USP20: variants seen among roughly 807,000 people sequenced by gnomAD.
USP20 encodes ubiquitin carboxyl-terminal hydrolase 20.
A neutral mutation model predicts 124.2 loss-of-function variants in USP20; 80 were observed. The ratio of observed to expected loss-of-function variants is 0.64; its 90% confidence interval spans 0.54 to 0.78. USP20 has a LOEUF of 0.78. Among genes scored for constraint, USP20 ranks in the 30% least tolerant of loss-of-function variants. The pLI is 0.00. For synonymous variants in USP20, 481 were observed against 512.3 expected (o/e 0.94, Z 0.83); for missense variants, 1,043 against 1,244.4 (o/e 0.84, Z 2.44).
chr9:129,844,286 A>C (rs2032405626), intron 1 of USP20, among the ~76,000 whole-genome samples: 1 of 152,150 alleles, frequency 6.6e-6, no homozygotes, highest in South Asian at 2.1e-4. Flanking sequence ...TAAACCAAAA[A>C]AAGCTGTATA....
chr9:129,840,898 G>A (rs143548912), intron 1 of USP20, among the ~76,000 whole-genome samples: 3 of 151,664 alleles, frequency 2.0e-5, no homozygotes, highest in African/African-American at 4.8e-5. Context: ...AGCCTCCCGA[G>A]TAGCTGGGAC....
chr9:129,869,267 CCAGG>C (rs781189833), intron 12 of USP20, 39 bp from the exon 13 acceptor site: 1 of 1,575,496 alleles, frequency 6.3e-7, no homozygotes, highest in East Asian at 2.3e-5. Context: ...CTCGCCCCGG[CCAGG>C]CAGGTGGAGG....
At position 129,860,954 on chromosome 9, in the gene USP20, C is replaced by A. The variant is rs1369691596; in HGVS notation, c.348C>A (p.Ser116=). 7 of 1,613,106 alleles carry A rather than the reference C, an allele frequency of 4.3e-6. No homozygotes were observed. The Admixed American group carries it at 1.2e-4, about 27-fold the overall frequency. ...TAACACAGGACTCCCCGCCACCCTC[C>A]CACCCTCTGAAAGCTGTTCCTATTG... ...KFSEQDSPPP[S]HPLKAVPIAV... The change falls in exon 7 of 26, where the codon TCC becomes TCA. Residue 116 remains serine, a synonymous_variant. Transcript: ENST00000372429.
intron 11 of USP20, 64 bp from the exon 12 acceptor site, chr9:129,868,798 T>C: frequency 6.7e-7 from 1 of 1,502,726 alleles, no homozygotes; most frequent in Non-Finnish European, 8.9e-7. Flanking sequence ...CAGGTCATCT[T>C]CCTGCCCACT....
chr9:129,841,840 G>T (rs72755261), intron 1 of USP20, among the ~76,000 whole-genome samples: 15,307 of 152,104 alleles, frequency 0.1, 834 homozygotes, highest in Middle Eastern at 0.16. Flanking sequence ...AGTCCCCTGC[G>T]GTGTGTCTGA....
At position 129,881,716 on chromosome 9, in the gene USP20, G is replaced by A. The variant is rs116217350; in HGVS notation, c.*1266G>A. 0.021 allele frequency: 3,246 copies of A among 152,432 alleles called. 123 individuals are homozygous for A. The highest frequency in any genetic ancestry group is 0.075 in the African/African-American group (3,100 of 41,592). 9.4% of individuals were successfully genotyped at this position (152,432 alleles called of 1,614,324 possible). On this transcript the variant is annotated 3_prime_UTR_variant, in exon 26 of 26. Coordinates refer to ENST00000372429, the MANE Select transcript of USP20 (RefSeq NM_001110303.4). ...AAAGCCGGCGCTGCAGCCAGAGGCC[G>A]CACGCTGCACTGTCGCGACGCAGAG...
chr9:129,860,378 AGCAG>A (rs2033478662), intron 6 of USP20, among the ~76,000 whole-genome samples: 1 of 151,932 alleles, frequency 6.6e-6, no homozygotes. Flanking sequence ...GACTATTAAC[AGCAG>A]TTCTCTCAGG....
In USP20 at chr9:129,858,507, G is replaced by A. The variant is rs1185328805; in HGVS notation, c.239G>A (p.Arg80Gln). 7 of 1,614,018 alleles carry A rather than the reference G, an allele frequency of 4.3e-6. No homozygotes were observed. Among genetic ancestry groups the A allele is most frequent in the Admixed American group, 1.7e-5 (1 of 60,002 alleles). ...HNLTVNLTTF[R>Q]LWCYACEKEV... is the part of the protein sequence containing the mutation. ...TTGACCGTGAACCTGACCACGTTCC[G>A]ACTGTGGTGTTACGCCTGTGAGAAG... Residue 80 changes from arginine to glutamine, a missense_variant, in exon 6 of 26, where the codon CGA becomes CAA. Coordinates refer to ENST00000372429, the MANE Select transcript of USP20 (RefSeq NM_001110303.4).
chr9:129,856,156 G>A (rs1226271047), intron 3 of USP20, 151 bp from the exon 4 acceptor site: 4 of 740,022 alleles, frequency 5.4e-6, no homozygotes, highest in African/African-American at 5.2e-5. Flanking sequence ...AGGAAGTCTG[G>A]CGAAGGCCTT....
intron 3 of USP20, among the ~76,000 whole-genome samples, chr9:129,853,668 G>T (rs182666653): frequency 6.6e-6 from 1 of 152,360 alleles, no homozygotes; most frequent in East Asian, 1.9e-4. Context: ...AGTGCCTATA[G>T]CTGCTTTTGA....
At chr9:129,859,493 TG>T (rs2033423416) in intron 6 of USP20, among the ~76,000 whole-genome samples, 1 of 151,268 alleles carries the variant, frequency 6.6e-6, no homozygotes, top group South Asian at 2.1e-4. Context: ...AGGCTGGTCT[TG>T]AACTCCTGAC....
intron 3 of USP20, among the ~76,000 whole-genome samples, chr9:129,855,700 T>C (rs189613795): frequency 5.9e-5 from 9 of 152,300 alleles, no homozygotes; most frequent in African/African-American, 2.2e-4. Flanking sequence ...GAAAACGTCA[T>C]CTGCAGCAGG....
chr9:129,873,981 A>T (rs940427897), intron 17 of USP20, among the ~76,000 whole-genome samples: 2 of 152,082 alleles, frequency 1.3e-5, no homozygotes, highest in African/African-American at 2.4e-5. Context: ...AACATGTTGT[A>T]TGAGGGCCCA....
At chr9:129,874,982 G>A (rs758366615) in intron 19 of USP20, 27 bp downstream of exon 19, 65 of 1,610,196 alleles carry the variant, frequency 4.0e-5, no homozygotes, top group Non-Finnish European at 4.8e-5. Context: ...GCCTGGTGGA[G>A]GAACCTCACC....
chr9:129,870,971 T>G (rs1470049879), intron 15 of USP20, among the ~76,000 whole-genome samples: 1 of 152,230 alleles, frequency 6.6e-6, no homozygotes, highest in African/African-American at 2.4e-5. Context: ...CTCTCTCTTT[T>G]TTTTTTATTT....
chr9:129,853,901 G>A (rs1015419768), intron 3 of USP20, among the ~76,000 whole-genome samples: 1 of 152,134 alleles, frequency 6.6e-6, no homozygotes, highest in Non-Finnish European at 1.5e-5. Flanking sequence ...CTTGTCTGGG[G>A]TGCTCTGGGG....
chr9:129,878,358 C>G lies in USP20; in HGVS notation c.2430C>G (p.Ala810=), dbSNP rs568535068. ...TFIKLNKAFQ[A]EESPGVIYCI... ...GCCAGTTGAACAAGGCCTTCCAGGC[C>G]GAGGAGTCGCCGGGCGTCATCTACT... Residue 810 remains alanine (A), a synonymous_variant, in exon 23 of 26, where the codon GCC becomes GCG. Coordinates refer to ENST00000372429, the MANE Select transcript of USP20 (RefSeq NM_001110303.4). 1 of 1,599,162 alleles carries G rather than the reference C, an allele frequency of 6.3e-7. No individual in the cohort carries two copies. Among genetic ancestry groups the G allele is most frequent in the African/African-American group, 1.3e-5 (1 of 74,732 alleles).
chr9:129,852,373 A>T (rs2032969739), intron 2 of USP20, among the ~76,000 whole-genome samples, 167 bp from the exon 3 acceptor site: 2 of 152,194 alleles, frequency 1.3e-5, no homozygotes, highest in Non-Finnish European at 2.9e-5. Context: ...TTATCTTCTT[A>T]GACAAGGAAA....
chr9:129,844,653 A>G (rs13294669), intron 1 of USP20, among the ~76,000 whole-genome samples: 1 of 150,088 alleles, frequency 6.7e-6, no homozygotes. Context: ...AAAAAATTAT[A>G]TATTCGTACA....
Sources: gnomAD v4.1 joint callset for allele counts (sites outside exome capture counted in the v4.1 genomes callset) on GRCh38, gnomAD v4.1.1 for gene constraint, MANE v1.5 for transcripts, NCBI Gene and HGNC (gene_info 2026-07-23, HGNC 2026-07-21) for gene names.